Variants in SH3RF3 observed in about 807,000 individuals in gnomAD.
SH3RF3 encodes the protein SH3 domain containing ring finger 3.
Under a neutral mutation model 66.3 loss-of-function variants are expected in SH3RF3, and 29 were observed. That is an observed-to-expected ratio of 0.44 (90% CI 0.33 to 0.60). The LOEUF (loss-of-function observed/expected upper bound fraction) is 0.60. SH3RF3 is among the 20% of genes least tolerant of loss of function. The probability of loss-of-function intolerance (pLI) is 0.04; values close to 1 mark genes in which losing one functional copy is unlikely to be tolerated. For missense variants in SH3RF3, 1,194 were observed against 1,190.9 expected (o/e 1.00, Z -0.04); for synonymous variants, 583 against 532.0 (o/e 1.10, Z -1.32).
At chr2:109,406,386 C>G (rs6739259) in intron 4 of SH3RF3, among the ~76,000 whole-genome samples, 43,229 of 152,064 alleles carry the variant, frequency 0.28, 7,644 homozygotes, top group Non-Finnish European at 0.39. Flanking sequence ...AATGGGCAGT[C>G]AGCTCTGGAG....
At chr2:109,153,764 A>G (rs1442648820) in intron 1 of SH3RF3, among the ~76,000 whole-genome samples, 1 of 152,176 alleles carries the variant, frequency 6.6e-6, no homozygotes, top group African/African-American at 2.4e-5. Flanking sequence ...TTTTGGCTAA[A>G]GCCACATTAA....
intron 5 of SH3RF3, among the ~76,000 whole-genome samples, chr2:109,421,907 G>A (rs1372249719): frequency 4.6e-5 from 7 of 152,172 alleles, no homozygotes; most frequent in Admixed American, 1.3e-4. Flanking sequence ...CATTACATAC[G>A]TTACAGCAGT....
chr2:109,249,585 T>TTCCTTCC (rs752039440), intron 1 of SH3RF3, among the ~76,000 whole-genome samples: 2 of 128,420 alleles, frequency 1.6e-5, no homozygotes, highest in African/African-American at 3.1e-5. Context: ...CCTTCCTTCC[T>TTCCTTCC]TTCCTTTCTT....
intron 1 of SH3RF3, among the ~76,000 whole-genome samples, chr2:109,314,688 C>T (rs1681829654): frequency 6.6e-6 from 1 of 152,246 alleles, no homozygotes; most frequent in Non-Finnish European, 1.5e-5. Context: ...CAAACCAGCT[C>T]CTTGATGAAA....
intron 1 of SH3RF3, among the ~76,000 whole-genome samples, chr2:109,134,333 A>ATC (rs979633292): frequency 6.6e-6 from 1 of 152,186 alleles, no homozygotes; most frequent in African/African-American, 2.4e-5. Context: ...TCCAGAGGAA[A>ATC]AGGCTGGCAC....
intron 1 of SH3RF3, among the ~76,000 whole-genome samples, chr2:109,133,018 T>C (rs1012798291): frequency 6.6e-6 from 1 of 152,264 alleles, no homozygotes; most frequent in Non-Finnish European, 1.5e-5. Flanking sequence ...CTGCAGTTCA[T>C]GTAGACTCGG....
At chr2:109,142,615 C>T (rs1676983901) in intron 1 of SH3RF3, among the ~76,000 whole-genome samples, 1 of 152,192 alleles carries the variant, frequency 6.6e-6, no homozygotes, top group Non-Finnish European at 1.5e-5. Context: ...TCTCTGGGTT[C>T]TCTGGGGGCA....
At chr2:109,461,101 T>C (rs1034839396) in intron 8 of SH3RF3, among the ~76,000 whole-genome samples, 10 of 152,248 alleles carry the variant, frequency 6.6e-5, no homozygotes, top group African/African-American at 1.9e-4. Flanking sequence ...TTTAGGCCAC[T>C]TCCTCATGTA....
chr2:109,364,154 T>G (rs1683110330), intron 2 of SH3RF3, among the ~76,000 whole-genome samples: 1 of 151,708 alleles, frequency 6.6e-6, no homozygotes, highest in African/African-American at 2.4e-5. Flanking sequence ...GGATGCTCCA[T>G]TATGGTTTTT....
intron 1 of SH3RF3, among the ~76,000 whole-genome samples, chr2:109,212,683 C>G (rs898292340): frequency 6.6e-6 from 1 of 152,208 alleles, no homozygotes; most frequent in Admixed American, 6.5e-5. Context: ...ATGGACTCAC[C>G]TGATTGTAAT....
At chr2:109,134,706 G>A (rs1240529032) in intron 1 of SH3RF3, among the ~76,000 whole-genome samples, 1 of 152,132 alleles carries the variant, frequency 6.6e-6, no homozygotes, top group Admixed American at 6.5e-5. Context: ...GCCTTGGTTA[G>A]AAGAGTCCTC....
intron 1 of SH3RF3, among the ~76,000 whole-genome samples, chr2:109,183,316 A>G (rs1480627316): frequency 6.6e-6 from 1 of 152,234 alleles, no homozygotes. Flanking sequence ...TGTTCTTAAT[A>G]AAGTAACTGA....
chr2:109,410,657 G>T (rs1336484933), intron 4 of SH3RF3, among the ~76,000 whole-genome samples: 1 of 152,258 alleles, frequency 6.6e-6, no homozygotes, highest in Non-Finnish European at 1.5e-5. Context: ...GCCACTGCAT[G>T]TCAGCCAGCT....
intron 1 of SH3RF3, among the ~76,000 whole-genome samples, chr2:109,344,927 C>T (rs185757661): frequency 5.7e-4 from 87 of 152,220 alleles, no homozygotes; most frequent in Admixed American, 7.2e-4. Flanking sequence ...ATCACAGGCA[C>T]AGGTTGATTT....
chr2:109,220,643 A>G (rs1234972361), intron 1 of SH3RF3, among the ~76,000 whole-genome samples: 1 of 152,236 alleles, frequency 6.6e-6, no homozygotes. Context: ...AGATATACAA[A>G]TGGCCAGTAA....
intron 1 of SH3RF3, among the ~76,000 whole-genome samples, chr2:109,211,246 G>C (rs995917477): frequency 4.6e-5 from 7 of 152,232 alleles, no homozygotes; most frequent in African/African-American, 1.7e-4. Context: ...ATAAATGGCA[G>C]CTGGCTAGGT....
At position 109,170,234 on chromosome 2, in the gene SH3RF3, C is replaced by CTTCTT. The variant is rs1188853288; in HGVS notation, c.573+40131_573+40135dup. Reference sequence around the variant, plus strand: ...CTCTCTCTTTTTTCTCTTCTCTTCTCTTCTTTTCTTTTCTCTTCTCTTCTC... The same window carrying CTTCTT: ...CTCTCTCTTTTTTCTCTTCTCTTCTCTTCTTTTCTTTTCTTTTCTCTTCTCTTCTC... On this transcript the variant is annotated intron_variant, in intron 1 of 9. Coordinates refer to ENST00000309415, the MANE Select transcript of SH3RF3 (RefSeq NM_001099289.3). 6.1e-5 allele frequency among the ~76,000 whole-genome samples: 4 copies of CTTCTT among 65,572 alleles called. 1 individual carries two copies. Among genetic ancestry groups the CTTCTT allele is most frequent in the Non-Finnish European group, 1.3e-4 (4 of 30,880 alleles). The allele number at this position is 65,572 out of a possible 152,430, so 43.0% of individuals were successfully genotyped here.
At chr2:109,216,798 A>C (rs1304388692) in intron 1 of SH3RF3, among the ~76,000 whole-genome samples, 1 of 152,216 alleles carries the variant, frequency 6.6e-6, no homozygotes, top group African/African-American at 2.4e-5. Context: ...ACATAACATA[A>C]AAATTTACCA....
intron 1 of SH3RF3, among the ~76,000 whole-genome samples, chr2:109,346,410 G>A (rs373251829): frequency 2.0e-5 from 3 of 152,284 alleles, no homozygotes; most frequent in African/African-American, 7.2e-5. Context: ...TCTATTGATT[G>A]ATTCGAATAC....
Sources: gnomAD v4.1 joint callset for allele counts (sites outside exome capture counted in the v4.1 genomes callset) on GRCh38, gnomAD v4.1.1 for gene constraint, MANE v1.5 for transcripts, NCBI Gene and HGNC (gene_info 2026-07-23, HGNC 2026-07-21) for gene names.